Variants in SCAPER observed in about 807,000 individuals in gnomAD.
SCAPER encodes the protein S phase cyclin A-associated protein in the endoplasmic reticulum.
In SCAPER, 98 loss-of-function variants were observed where a neutral mutation model predicts 182.2. The observed-to-expected ratio is 0.54, with a 90% confidence interval of 0.46 to 0.64. The LOEUF is 0.64. SCAPER is among the 30% of genes least tolerant of loss of function. The pLI is 0.00. For missense variants in SCAPER, 1,432 were observed against 1,690.0 expected (o/e 0.85, Z 2.68); for synonymous variants, 605 against 564.6 (o/e 1.07, Z -1.01).
Position 76,558,820 on chromosome 15 carries a change from C to T in SCAPER, c.2838+15338G>A, listed in dbSNP as rs552123529. ...ATAAAGAAAATGTGATATATATACA[C>T]ACATACATACACACACACACCATGG... On this transcript the variant is annotated intron_variant, in intron 23 of 31. Transcript: ENST00000563290. 4.6e-5 allele frequency among the ~76,000 whole-genome samples: 7 copies of T among 152,198 alleles called. 1 individual carries two copies. The highest frequency in any genetic ancestry group is 1.7e-4 in the African/African-American group (7 of 41,530).
chr15:76,905,001 C>G (rs2074986251), intron 1 of SCAPER, among the ~76,000 whole-genome samples: 1 of 152,140 alleles, frequency 6.6e-6, no homozygotes, highest in Non-Finnish European at 1.5e-5. Flanking sequence ...TGTGCGGGGT[C>G]TCACGTCCCT....
At chr15:76,871,572 C>CTTT (rs1178328861) in intron 2 of SCAPER, among the ~76,000 whole-genome samples, 3 of 123,190 alleles carry the variant, frequency 2.4e-5, no homozygotes, top group Admixed American at 8.3e-5. Context: ...TTACAATTTG[C>CTTT]TTTTTTTTTT....
intron 26 of SCAPER, among the ~76,000 whole-genome samples, chr15:76,405,931 A>G (rs2044794986): frequency 6.6e-6 from 1 of 152,188 alleles, no homozygotes; most frequent in African/African-American, 2.4e-5. Context: ...TTCCAAGTTT[A>G]CTATGTTGAA....
At chr15:76,522,901 G>A (rs1281137103) in intron 23 of SCAPER, among the ~76,000 whole-genome samples, 3 of 152,030 alleles carry the variant, frequency 2.0e-5, no homozygotes, top group South Asian at 4.2e-4. Flanking sequence ...TCTGACAAGT[G>A]ATTTATACAT....
chr15:76,583,398 C>T (rs757353004), intron 22 of SCAPER, among the ~76,000 whole-genome samples: 2 of 145,976 alleles, frequency 1.4e-5, no homozygotes, highest in Admixed American at 6.8e-5. Context: ...GCATGGATAA[C>T]CAAAGCAAAA....
chr15:76,577,156 G>A (rs1006187692), intron 22 of SCAPER, among the ~76,000 whole-genome samples: 3 of 151,962 alleles, frequency 2.0e-5, no homozygotes, highest in African/African-American at 7.2e-5. Context: ...AGACTAAAGA[G>A]GACTCTGTGC....
At chr15:76,678,700 CAG>C (rs2057510063) in intron 20 of SCAPER, among the ~76,000 whole-genome samples, 1 of 113,022 alleles carries the variant, frequency 8.8e-6, no homozygotes, top group South Asian at 3.6e-4. Flanking sequence ...GAGAACAAGA[CAG>C]AGAAACAGAT....
At chr15:76,682,409 T>A (rs190585529) in intron 20 of SCAPER, among the ~76,000 whole-genome samples, 1 of 151,776 alleles carries the variant, frequency 6.6e-6, no homozygotes, top group Non-Finnish European at 1.5e-5. Flanking sequence ...CACACAGACA[T>A]TGGCGGCCCC....
intron 21 of SCAPER, among the ~76,000 whole-genome samples, chr15:76,652,272 AAATATATATATATATATATATATAT>A (rs2055144067): frequency 6.3e-5 from 1 of 15,772 alleles, no homozygotes; most frequent in Non-Finnish European, 1.1e-4. Flanking sequence ...AAAAAAAAAA[AAATATATATATATATATATATATAT>A]ATATATATAT....
At chr15:76,363,351 C>T (rs543395138) in intron 29 of SCAPER, among the ~76,000 whole-genome samples, 6 of 152,340 alleles carry the variant, frequency 3.9e-5, no homozygotes, top group Middle Eastern at 3.4e-3. Flanking sequence ...CTACCCATCC[C>T]GGGCCTTCAA....
At chr15:76,401,060 A>T (rs1014587798) in intron 27 of SCAPER, among the ~76,000 whole-genome samples, 3 of 151,986 alleles carry the variant, frequency 2.0e-5, no homozygotes, top group African/African-American at 4.8e-5. Context: ...TAGTGGAAAT[A>T]TAAGTTTGGT....
intron 8 of SCAPER, among the ~76,000 whole-genome samples, chr15:76,776,725 G>C (rs2063765498): frequency 6.6e-6 from 1 of 152,066 alleles, no homozygotes; most frequent in South Asian, 2.1e-4. Context: ...TTAGTGTGAG[G>C]GTGGCCAAGC....
intron 27 of SCAPER, among the ~76,000 whole-genome samples, chr15:76,391,592 A>G (rs2043702875): frequency 6.6e-6 from 1 of 152,228 alleles, no homozygotes; most frequent in Admixed American, 6.5e-5. Flanking sequence ...GAAGAACATG[A>G]GATGTGGGCA....
chr15:76,626,559 A>C lies in SCAPER; in HGVS notation c.2646-4730T>G, dbSNP rs569459777. Among the ~76,000 whole-genome samples, 25 of 152,264 alleles carry C rather than the reference A, an allele frequency of 1.6e-4. No homozygotes were observed. In the South Asian group the frequency reaches 2.5e-3, roughly 15 times the overall value. ...TGGCAAATCCCTGTCTCTACTAAAA[A>C]TACAAAAATTAGCTGGGTGTGGTGG... On this transcript the variant is annotated intron_variant, in intron 21 of 31. Coordinates refer to ENST00000563290, the MANE Select transcript of SCAPER (RefSeq NM_020843.4).
chr15:76,666,891 C>G (rs1174179708), intron 20 of SCAPER, among the ~76,000 whole-genome samples: 1 of 152,166 alleles, frequency 6.6e-6, no homozygotes, highest in Non-Finnish European at 1.5e-5. Context: ...ACACCTGTTC[C>G]TATCTAAGAG....
chr15:76,834,637 TAAAC>T (rs1360028097), intron 5 of SCAPER, among the ~76,000 whole-genome samples: 7 of 151,612 alleles, frequency 4.6e-5, no homozygotes, highest in African/African-American at 7.3e-5. Flanking sequence ...TAGAAAAAAA[TAAAC>T]AAAGTTGATA....
chr15:76,453,346 G>C (rs284902), intron 25 of SCAPER, among the ~76,000 whole-genome samples: 16,138 of 152,092 alleles, frequency 0.11, 1,031 homozygotes, highest in African/African-American at 0.18. Flanking sequence ...ATAGCAAAAG[G>C]ATCTGGTTCA....
At position 76,471,286 on chromosome 15, in the gene SCAPER, AAC is replaced by A; in HGVS notation, c.3002_3003del (p.Cys1001PhefsTer6). On this transcript the variant is annotated frameshift_variant, in exon 25 of 32. Coordinates refer to ENST00000563290, the MANE Select transcript of SCAPER (RefSeq NM_020843.4). LOFTEE classifies it high-confidence loss of function. ...AACAGAACATCACTGCAGTTTTCTG[AAC>A]AGTTATTGCAGGTGAGGTTGTAAAC... Reference protein sequence around the residue: ...INVYNLTCNNCSENCSDVLFS... With the variant: ...INVYNLTCNNXSENCSDVLFS... 1 of 1,612,604 alleles carries A rather than the reference AAC, an allele frequency of 6.2e-7. No homozygotes were observed. Among genetic ancestry groups the A allele is most frequent in the Non-Finnish European group, 8.5e-7 (1 of 1,179,148 alleles).
chr15:76,448,617 T>G (rs1284332688), intron 25 of SCAPER, among the ~76,000 whole-genome samples: 2 of 152,048 alleles, frequency 1.3e-5, no homozygotes, highest in African/African-American at 2.4e-5. Flanking sequence ...TTGTACAGTT[T>G]GGTAGGAGAA....
Sources: gnomAD v4.1 joint callset for allele counts (sites outside exome capture counted in the v4.1 genomes callset) on GRCh38, gnomAD v4.1.1 for gene constraint, MANE v1.5 for transcripts, NCBI Gene and HGNC (gene_info 2026-07-23, HGNC 2026-07-21) for gene names.